FSTL4: variants seen among roughly 807,000 people sequenced by gnomAD.
The protein encoded by FSTL4 is follistatin like 4.
In FSTL4, 28 loss-of-function variants were observed where a neutral mutation model predicts 78.2. That is an observed-to-expected ratio of 0.36 (90% confidence interval 0.27 to 0.49). FSTL4 has a LOEUF of 0.49. FSTL4 is among the 20% of genes least tolerant of loss of function. FSTL4 has a pLI of 0.98. For missense variants in FSTL4, 922 were observed against 1,084.9 expected (o/e 0.85, Z 2.11); for synonymous variants, 422 against 440.5 (o/e 0.96, Z 0.53).
intron 4 of FSTL4, among the ~76,000 whole-genome samples, chr5:133,364,551 C>T (rs572493292): frequency 2.6e-5 from 4 of 152,324 alleles, no homozygotes; most frequent in Admixed American, 6.5e-5. Context: ...TAGCAAGCAA[C>T]GTTTGGGAAA....
the FSTL4 span, among the ~76,000 whole-genome samples, chr5:133,732,339 T>A: frequency 1.3e-5 from 2 of 152,066 alleles, no homozygotes; most frequent in East Asian, 3.9e-4. Flanking sequence ...CAATCCACAA[T>A]CAGCAGACCC....
At chr5:133,752,931 A>C in the FSTL4 span, among the ~76,000 whole-genome samples, 1 of 152,132 alleles carries the variant, frequency 6.6e-6, no homozygotes, top group Non-Finnish European at 1.5e-5. Flanking sequence ...TCTTCATGTG[A>C]ATGTGGATTT....
At chr5:133,358,000 C>T (rs990408080) in intron 4 of FSTL4, among the ~76,000 whole-genome samples, 5 of 152,198 alleles carry the variant, frequency 3.3e-5, no homozygotes, top group Non-Finnish European at 1.5e-5. Flanking sequence ...CCATGCTAGC[C>T]AGTCTGTGGT....
chr5:133,348,004 G>A (rs1754733095), intron 4 of FSTL4, among the ~76,000 whole-genome samples: 1 of 152,164 alleles, frequency 6.6e-6, no homozygotes, highest in Admixed American at 6.6e-5. Context: ...CCATAGTTTG[G>A]TGAGGATAGT....
intron 6 of FSTL4, among the ~76,000 whole-genome samples, chr5:133,262,891 G>T (rs1752565981): frequency 6.6e-6 from 1 of 152,134 alleles, no homozygotes; most frequent in African/African-American, 2.4e-5. Context: ...TCAGGAAGGA[G>T]GGTGGGGCTG....
At chr5:133,443,778 T>C (rs1412733495) in intron 3 of FSTL4, among the ~76,000 whole-genome samples, 7 of 152,162 alleles carry the variant, frequency 4.6e-5, no homozygotes, top group African/African-American at 1.7e-4. Context: ...TCTCTGCCCC[T>C]TGCACCATAT....
At chr5:133,709,801 T>C in the FSTL4 span, among the ~76,000 whole-genome samples, 1 of 152,258 alleles carries the variant, frequency 6.6e-6, no homozygotes, top group Non-Finnish European at 1.5e-5. Flanking sequence ...CAGCCAGTTC[T>C]AAAGGAGCTA....
the FSTL4 span, among the ~76,000 whole-genome samples, chr5:133,814,393 G>A: frequency 3.7e-3 from 564 of 152,314 alleles, 4 homozygotes; most frequent in African/African-American, 0.013. Flanking sequence ...GTCCCTGGGT[G>A]TGGCTGGAGG....
At chr5:133,512,114 G>A (rs1185062365) in intron 3 of FSTL4, among the ~76,000 whole-genome samples, 4 of 152,202 alleles carry the variant, frequency 2.6e-5, no homozygotes, top group Non-Finnish European at 4.4e-5. Flanking sequence ...GGCCCACACT[G>A]GGCAAGGCCA....
chr5:133,277,253 C>T (rs898538653), intron 6 of FSTL4, among the ~76,000 whole-genome samples: 2 of 151,770 alleles, frequency 1.3e-5, no homozygotes, highest in African/African-American at 2.4e-5. Flanking sequence ...GCAGAGGCTG[C>T]AGTGAGCCGA....
the FSTL4 span, among the ~76,000 whole-genome samples, chr5:133,701,486 C>CAT: frequency 7.9e-6 from 1 of 125,950 alleles, no homozygotes; most frequent in Non-Finnish European, 1.7e-5. Flanking sequence ...CACACACACA[C>CAT]ACACACACAC....
chr5:133,499,830 C>T (rs1314202046), intron 3 of FSTL4, among the ~76,000 whole-genome samples: 1 of 152,144 alleles, frequency 6.6e-6, no homozygotes, highest in Non-Finnish European at 1.5e-5. Flanking sequence ...ATTATGAGAT[C>T]CTGGAAAGGT....
intron 4 of FSTL4, among the ~76,000 whole-genome samples, chr5:133,390,251 A>G (rs553305515): frequency 1.3e-5 from 2 of 152,400 alleles, no homozygotes; most frequent in East Asian, 3.9e-4. Flanking sequence ...CCTGCAAGCA[A>G]AGTGATTTTG....
upstream of FSTL4, among the ~76,000 whole-genome samples, chr5:133,615,426 A>G (rs1761182444): frequency 6.6e-6 from 1 of 152,250 alleles, no homozygotes; most frequent in African/African-American, 2.4e-5. Context: ...CTCCCGCCTC[A>G]GCCTCTAGGG....
rs558106635 is a variant in FSTL4, at chr5:133,420,352, C to T, written c.161-19366G>A. Among the ~76,000 whole-genome samples, 125 of 152,284 alleles carry T rather than the reference C, an allele frequency of 8.2e-4. 1 individual carries two copies. The highest frequency in any genetic ancestry group is 2.9e-3 in the African/African-American group (122 of 41,560). The stretch of plus-strand genomic sequence containing the variant: ...TGTGCTGAATATCATTGACAAAAAT[C>T]TATGCATTTAATTGTATGTAAATTA... On this transcript the variant is annotated intron_variant, in intron 3 of 15. Coordinates refer to ENST00000265342, the MANE Select transcript of FSTL4 (RefSeq NM_015082.2).
intron 4 of FSTL4, among the ~76,000 whole-genome samples, chr5:133,370,380 A>G (rs1321200580): frequency 6.6e-6 from 1 of 152,024 alleles, no homozygotes; most frequent in East Asian, 1.9e-4. Flanking sequence ...AAAGTGAAGC[A>G]TCTGGATCCT....
chr5:133,665,680 A>G, the FSTL4 span, among the ~76,000 whole-genome samples: 2 of 152,222 alleles, frequency 1.3e-5, no homozygotes, highest in Non-Finnish European at 2.9e-5. Context: ...TGCACATCCC[A>G]GAAAGCCTAT....
intron 2 of FSTL4, among the ~76,000 whole-genome samples, chr5:133,572,542 G>A (rs1028280480): frequency 2.5e-4 from 38 of 152,004 alleles, no homozygotes; most frequent in African/African-American, 8.2e-4. Flanking sequence ...ACTTTATAGC[G>A]AACTTTTAAG....
intron 3 of FSTL4, among the ~76,000 whole-genome samples, chr5:133,459,711 C>T (rs1419447052): frequency 6.6e-6 from 1 of 152,092 alleles, no homozygotes. Flanking sequence ...GGGGCCAAGG[C>T]TACCTCTCTC....
Sources: allele counts gnomAD v4.1 joint callset (sites outside exome capture counted in the v4.1 genomes callset), GRCh38; gene constraint gnomAD v4.1.1; transcripts MANE v1.5; gene names NCBI Gene and HGNC (gene_info 2026-07-23, HGNC 2026-07-21).